Variants in PGK1 observed in about 807,000 individuals in gnomAD.
PGK1 encodes the protein phosphoglycerate kinase 1.
Under a neutral mutation model 26.9 loss-of-function variants are expected in PGK1, and 3 were observed. The ratio of observed to expected loss-of-function variants is 0.11; its 90% confidence interval spans 0.05 to 0.29. The LOEUF is 0.29. PGK1 is among the 10% of genes least tolerant of loss of function. PGK1 has a pLI of 1.00. For missense variants in PGK1, 270 were observed against 314.7 expected, an observed-to-expected ratio of 0.86 and a Z score of 1.07; for synonymous variants, 125 against 115.3, an observed-to-expected ratio of 1.08 and a Z score of -0.54.
At chrX:78,112,965 G>A (rs1183784001) in intron 2 of PGK1, among the ~76,000 whole-genome samples, 1 of 111,911 alleles carries the variant, frequency 8.9e-6, no homozygotes, top group East Asian at 2.8e-4. Flanking sequence ...TTTTTGTTGG[G>A]AACTGGTAAC....
At chrX:78,122,595 G>A (rs2078361743) in intron 6 of PGK1, among the ~76,000 whole-genome samples, 1 of 110,882 alleles carries the variant, frequency 9.0e-6, no homozygotes, top group African/African-American at 3.3e-5. Flanking sequence ...TGTATTGATG[G>A]TAAGTGGGGT....
chrX:78,126,100 TAAAAA>T lies in PGK1; in HGVS notation c.*271_*275del. The T allele has an allele frequency of 2.6e-6, 1 of 385,337 alleles. No homozygotes were observed. The highest frequency in any genetic ancestry group is 4.2e-5 in the Admixed American group (1 of 23,809). The allele number at this position is 385,337 out of a possible 1,213,427, so 31.8% of individuals were successfully genotyped here. The stretch of plus-strand genomic sequence containing the variant: ...GTGCATATATTTATATTTTGCCTGT[TAAAAA>T]GAAAGTGAGCAGTGTTAGCTTAGTT... On this transcript the variant is annotated 3_prime_UTR_variant, in exon 11 of 11. Transcript: ENST00000373316.
chrX:78,116,615 A>T (rs1223823023), intron 4 of PGK1, among the ~76,000 whole-genome samples: 1 of 112,101 alleles, frequency 8.9e-6, no homozygotes, highest in African/African-American at 3.2e-5. Flanking sequence ...TGGTTTGCTT[A>T]TCCTCCCATC....
intron 6 of PGK1, among the ~76,000 whole-genome samples, chrX:78,120,192 T>C (rs2078347093): frequency 8.9e-6 from 1 of 111,781 alleles, no homozygotes; most frequent in Non-Finnish European, 1.9e-5. Context: ...AACTTTATTG[T>C]AAGAAACACT....
chrX:78,124,922 A>G lies in PGK1; in HGVS notation c.985A>G (p.Thr329Ala), dbSNP rs782144480. 1 of 1,208,504 alleles carries G rather than the reference A, an allele frequency of 8.3e-7. No individual in the cohort carries two copies. Among genetic ancestry groups the G allele is most frequent in the Non-Finnish European group, 1.1e-6 (1 of 893,845 alleles). ...ESSKKYAEAV[T>A]RAKQIVWNGP... ...CAGCAAGAAGTATGCTGAGGCTGTC[A>G]CTCGGGCTAAGCAGATTGTGTGGAA... is the stretch of plus-strand genomic sequence containing the variant. Residue 329 changes from threonine (T) to alanine (A), a missense_variant, in exon 9 of 11, where the codon ACT (threonine) becomes GCT (alanine). Thr to Ala is a moderately conservative substitution (Grantham distance 58). Transcript: ENST00000373316.
At chrX:78,119,259 CT>C (rs1255373191) in intron 6 of PGK1, among the ~76,000 whole-genome samples, 1 of 112,115 alleles carries the variant, frequency 8.9e-6, no homozygotes, top group Non-Finnish European at 1.9e-5. Context: ...CCTATTTTAT[CT>C]TTTCTCCTAT....
chrX:78,121,942 T>G (rs2078357410), intron 6 of PGK1, among the ~76,000 whole-genome samples: 1 of 112,414 alleles, frequency 8.9e-6, no homozygotes, highest in Non-Finnish European at 1.9e-5. Context: ...GGCTTAGGCA[T>G]GTAACCCTAG....
Position 78,126,191 on chromosome X carries a change from C to G in PGK1, c.*361C>G. ...ACTGTTTCACTACTCAGCATGGAAACAAGATGAAATTCCATTTGTAGGTAG... is the reference window on the plus strand; with the variant it reads ...ACTGTTTCACTACTCAGCATGGAAAGAAGATGAAATTCCATTTGTAGGTAG... On this transcript the variant is annotated 3_prime_UTR_variant, in exon 11 of 11. Transcript: ENST00000373316. The G allele has an allele frequency of 5.3e-6, 1 of 190,467 alleles. No homozygotes were observed. Among genetic ancestry groups the G allele is most frequent in the Non-Finnish European group, 9.8e-6 (1 of 101,921 alleles). The allele number at this position is 190,467 out of a possible 1,213,427, so 15.7% of individuals were successfully genotyped here. A position where few individuals can be genotyped will look rare whatever the true frequency, so the allele number is the denominator to read the frequency against.
chrX:78,105,502 G>A (rs1435174241), intron 1 of PGK1, among the ~76,000 whole-genome samples: 1 of 111,565 alleles, frequency 9.0e-6, no homozygotes, highest in Admixed American at 9.5e-5. Context: ...GTGTAATCTA[G>A]CCCCTTTTCC....
chrX:78,109,737 T>C (rs2078290919), intron 1 of PGK1, 130 bp from the exon 2 acceptor site: 1 of 543,226 alleles, frequency 1.8e-6, no homozygotes, highest in African/African-American at 2.3e-5. Context: ...TATTTTGACT[T>C]TTAATGCCAC....
In PGK1 at chrX:78,122,845, G is replaced by T. The variant is rs1436377217; in HGVS notation, c.652G>T (p.Ala218Ser). 1.7e-6 allele frequency: 2 copies of T among 1,165,676 alleles called. No homozygotes were observed. Among genetic ancestry groups the T allele is most frequent in the East Asian group, 3.0e-5 (1 of 33,645 alleles). The stretch of plus-strand genomic sequence containing the variant: ...TGCTTTCTCTTGTAGAGCTAAAGTT[G>T]CAGACAAGATCCAGCTCATCAATAA... ...FLAILGGAKV[A>S]DKIQLINNML... is the part of the protein sequence containing the mutation. The change falls in exon 7 of 11, where the codon GCA (alanine) becomes TCA (serine). Residue 218 changes from alanine to serine, a missense_variant. Physicochemically the swap from Ala to Ser is moderately conservative, Grantham distance 99 (BLOSUM62 1). Coordinates refer to ENST00000373316, the MANE Select transcript of PGK1 (RefSeq NM_000291.4).
chrX:78,116,075 A>G (rs868929329), intron 4 of PGK1, among the ~76,000 whole-genome samples: 45 of 107,535 alleles, frequency 4.2e-4, no homozygotes, highest in African/African-American at 1.4e-3. Flanking sequence ...GCCCAGGCTC[A>G]TCTCGAACTC....
chrX:78,117,088 G>C, intron 4 of PGK1, among the ~76,000 whole-genome samples: 1 of 111,467 alleles, frequency 9.0e-6, no homozygotes, highest in Middle Eastern at 4.6e-3. Flanking sequence ...AGGAATATTA[G>C]GTTTGCAATT....
At chrX:78,109,715 A>G in intron 1 of PGK1, 152 bp from the exon 2 acceptor site, 1 of 495,296 alleles carries the variant, frequency 2.0e-6, no homozygotes, top group Non-Finnish European at 3.7e-6. Context: ...CATCCTCCCC[A>G]TGACTAACCA....
rs1264499008 is a variant in PGK1 at position 78,105,903 on chromosome X, A to G, written c.65+1498A>G. Among the ~76,000 whole-genome samples, 10 of 111,954 alleles carry G rather than the reference A, an allele frequency of 8.9e-5. No individual in the cohort carries two copies. In the Admixed American group the frequency reaches 9.4e-4, roughly 11 times the overall value. ...GGGGATAGACCCTGTAAAAAACAGGACAGGTGGACATTGGCATGCAACTAG... is the reference window on the plus strand; with the variant it reads ...GGGGATAGACCCTGTAAAAAACAGGGCAGGTGGACATTGGCATGCAACTAG... On this transcript the variant is annotated intron_variant, in intron 1 of 10. Transcript: ENST00000373316.
chrX:78,111,328 C>T (rs1225132683), intron 2 of PGK1, among the ~76,000 whole-genome samples: 1 of 111,924 alleles, frequency 8.9e-6, no homozygotes. Flanking sequence ...ACCCCGCCCA[C>T]CTTGGCCTCC....
chrX:78,122,938 A>C lies in PGK1; in HGVS notation c.745A>C (p.Asn249His). The C allele has an allele frequency of 8.9e-7, 1 of 1,125,356 alleles. No homozygotes were observed. The highest frequency in any genetic ancestry group is 1.2e-6 in the Non-Finnish European group (1 of 816,427). The allele number at this position is 1,125,356 out of a possible 1,213,427, so 92.7% of individuals were successfully genotyped here. A position where few individuals can be genotyped will look rare whatever the true frequency, so the allele number is the denominator to read the frequency against. The stretch of plus-strand genomic sequence containing the variant: ...GGCTTTTACCTTCCTTAAGGTGCTC[A>C]ACAACATGGAGGTAGGAAACAAATG... ...GMAFTFLKVLNNMEIGTSLFD... is the reference protein window; with the variant it reads ...GMAFTFLKVLHNMEIGTSLFD... Residue 249 changes from asparagine (N) to histidine (H), a missense_variant, in exon 7 of 11, where the codon AAC becomes CAC. Physicochemically the swap from Asn to His is moderately conservative, Grantham distance 68. Coordinates refer to ENST00000373316, the MANE Select transcript of PGK1 (RefSeq NM_000291.4).
chrX:78,112,971 GT>G (rs1249807805), intron 2 of PGK1, among the ~76,000 whole-genome samples: 41 of 112,090 alleles, frequency 3.7e-4, no homozygotes, highest in African/African-American at 1.2e-3. Context: ...TTGGGAACTG[GT>G]AACATAGGGA....
At position 78,126,150 on chromosome X, in the gene PGK1, T is replaced by G; in HGVS notation, c.*320T>G. 3.6e-6 allele frequency: 1 copy of G among 275,886 alleles called. No individual in the cohort carries two copies. Among genetic ancestry groups the G allele is most frequent in the Non-Finnish European group, 6.5e-6 (1 of 153,376 alleles). The allele number at this position is 275,886 out of a possible 1,213,427, so 22.7% of individuals were successfully genotyped here. On this transcript the variant is annotated 3_prime_UTR_variant, in exon 11 of 11. Transcript: ENST00000373316. ...TTAGTTCTCTTTTGATGTAGGTTAT[T>G]ATGATTAGCTTTGTCACTGTTTCAC...
Sources: gnomAD v4.1 joint callset for allele counts (sites outside exome capture counted in the v4.1 genomes callset) on GRCh38, gnomAD v4.1.1 for gene constraint, MANE v1.5 for transcripts, NCBI Gene and HGNC (gene_info 2026-07-23, HGNC 2026-07-21) for gene names.